Variants in NINJ2 observed in about 807,000 individuals in gnomAD.
The protein encoded by NINJ2 is ninjurin 2, also known as ninjurin-2.
A neutral mutation model predicts 11.7 loss-of-function variants in NINJ2; 12 were observed. That is an observed-to-expected ratio of 1.02 (90% CI 0.66 to 1.66). The LOEUF is 1.66. Among genes scored for constraint, NINJ2 ranks in the 40% most tolerant of loss-of-function variants. NINJ2 has a pLI of 0.00. For synonymous variants in NINJ2, 93 were observed against 76.8 expected (o/e 1.21, Z -1.10); for missense variants, 187 against 181.8 (o/e 1.03, Z -0.16).
chr12:598,592 C>A (rs1344747221), intron 1 of NINJ2, among the ~76,000 whole-genome samples: 1 of 152,206 alleles, frequency 6.6e-6, no homozygotes, highest in East Asian at 1.9e-4. Flanking sequence ...TAATTAGAGT[C>A]ATTTGAGGTC....
At chr12:647,533 TC>T (rs1555167343) in intron 1 of NINJ2, among the ~76,000 whole-genome samples, 1 of 152,096 alleles carries the variant, frequency 6.6e-6, no homozygotes, top group Non-Finnish European at 1.5e-5. Context: ...CAGCTCCTCC[TC>T]CCTGGCACCT....
chr12:572,203 C>T (rs1033829106), intron 1 of NINJ2, among the ~76,000 whole-genome samples: 11 of 152,306 alleles, frequency 7.2e-5, no homozygotes, highest in African/African-American at 1.9e-4. Context: ...CGGAGAATCC[C>T]GGGGGCTGAG....
chr12:578,192 C>T (rs1465811271), intron 1 of NINJ2, among the ~76,000 whole-genome samples: 3 of 152,156 alleles, frequency 2.0e-5, no homozygotes, highest in Non-Finnish European at 2.9e-5. Flanking sequence ...GACCCTCTCA[C>T]GCGGACCCCC....
chr12:657,417 G>A (rs1467220205), intron 1 of NINJ2, among the ~76,000 whole-genome samples: 3 of 151,940 alleles, frequency 2.0e-5, no homozygotes, highest in South Asian at 2.1e-4. Context: ...GTGAAACCCC[G>A]CCTCTATTAA....
At chr12:621,281 CT>C (rs1172823636) in intron 1 of NINJ2, among the ~76,000 whole-genome samples, 1 of 151,140 alleles carries the variant, frequency 6.6e-6, no homozygotes, top group Non-Finnish European at 1.5e-5. Context: ...GATGCCATCT[CT>C]ATAAAAAAAT....
chr12:610,629 T>A (rs1282490991), intron 1 of NINJ2: 3 of 985,206 alleles, frequency 3.0e-6, no homozygotes, highest in Non-Finnish European at 3.6e-6. Flanking sequence ...AGGCAGGGAC[T>A]TAATATGTGG....
At chr12:600,653 G>T (rs1282368367) in intron 1 of NINJ2, among the ~76,000 whole-genome samples, 2 of 141,950 alleles carry the variant, frequency 1.4e-5, no homozygotes, top group Non-Finnish European at 3.0e-5. Context: ...ATTTTTTTGG[G>T]GTGTGTGTGT....
intron 1 of NINJ2, among the ~76,000 whole-genome samples, chr12:599,685 A>G (rs1327893479): frequency 6.6e-6 from 1 of 152,140 alleles, no homozygotes; most frequent in Non-Finnish European, 1.5e-5. Context: ...GCCTCAGTAG[A>G]GTTGGGAGAT....
chr12:598,980 G>C (rs545906306), intron 1 of NINJ2, among the ~76,000 whole-genome samples: 1 of 151,960 alleles, frequency 6.6e-6, no homozygotes, highest in Non-Finnish European at 1.5e-5. Flanking sequence ...GATTACAGGC[G>C]TGAGTCACTG....
intron 1 of NINJ2, among the ~76,000 whole-genome samples, chr12:598,444 A>T (rs541876825): frequency 2.9e-4 from 44 of 152,310 alleles, no homozygotes; most frequent in African/African-American, 7.5e-4. Flanking sequence ...CTTACCAGAC[A>T]GGGCTATGTC....
At chr12:605,136 G>C (rs1205456558) in intron 1 of NINJ2, among the ~76,000 whole-genome samples, 1 of 152,192 alleles carries the variant, frequency 6.6e-6, no homozygotes, top group Non-Finnish European at 1.5e-5. Context: ...CTCATGCCCA[G>C]CAGGACCACG....
At chr12:574,841 C>T (rs73594252) in intron 1 of NINJ2, among the ~76,000 whole-genome samples, 2,371 of 152,354 alleles carry the variant, frequency 0.016, 58 homozygotes, top group African/African-American at 0.054. Flanking sequence ...TCATCTCACC[C>T]AGACCCTAGC....
intron 1 of NINJ2, among the ~76,000 whole-genome samples, chr12:662,343 G>A (rs978113748): frequency 6.6e-6 from 1 of 152,114 alleles, no homozygotes. Context: ...TGTCTCAAGG[G>A]CGGAGGGGCC....
At chr12:657,927 C>G (rs1463543269) in intron 1 of NINJ2, among the ~76,000 whole-genome samples, 1 of 149,842 alleles carries the variant, frequency 6.7e-6, no homozygotes, top group East Asian at 2.0e-4. Context: ...CCAGCAATTG[C>G]AATCCTTGGT....
Position 634,265 on chromosome 12 carries a change from C to CTTTTTTTTTTTTTTTTTTTTTTTTT in NINJ2, c.33+29038_33+29062dup, listed in dbSNP as rs67797144. Among the ~76,000 whole-genome samples, 16 of 59,526 alleles carry CTTTTTTTTTTTTTTTTTTTTTTTTT rather than the reference C, an allele frequency of 2.7e-4. 3 individuals carry two copies. Among genetic ancestry groups the CTTTTTTTTTTTTTTTTTTTTTTTTT allele is most frequent in the South Asian group, 1.1e-3 (1 of 932 alleles). 39.1% of individuals were successfully genotyped at this position (59,526 alleles called of 152,430 possible). On this transcript the variant is annotated intron_variant, in intron 1 of 3. Coordinates refer to ENST00000305108, the MANE Select transcript of NINJ2 (RefSeq NM_016533.6). ...AAATAAATGTTGATTAGTTGCAGTTCTTTTTTTTTTTTTTTTTTTTTTTTT... is the reference window on the plus strand; with the variant it reads ...AAATAAATGTTGATTAGTTGCAGTTCTTTTTTTTTTTTTTTTTTTTTTTTTTTTTTTTTTTTTTTTTTTTTTTTTT...
chr12:584,936 G>A (rs1947611262), intron 1 of NINJ2, among the ~76,000 whole-genome samples: 2 of 152,052 alleles, frequency 1.3e-5, no homozygotes, highest in African/African-American at 2.4e-5. Context: ...GGCCAATATG[G>A]TGAAACCCCG....
chr12:615,475 C>T (rs989249285), intron 1 of NINJ2, among the ~76,000 whole-genome samples: 7 of 152,180 alleles, frequency 4.6e-5, no homozygotes, highest in African/African-American at 1.4e-4. Flanking sequence ...GTAATCCCAA[C>T]TACTTGGGAG....
chr12:656,445 C>T lies in NINJ2; in HGVS notation c.33+6883G>A, dbSNP rs949052308. ...ACAAAGTCAGAGGACTGACACTACC[C>T]GACTTGAAGAATTACTGTAAAGCGG... On this transcript the variant is annotated intron_variant, in intron 1 of 3. Transcript: ENST00000305108. Among the ~76,000 whole-genome samples, 7 of 151,480 alleles carry T rather than the reference C, an allele frequency of 4.6e-5. No individual in the cohort carries two copies. The South Asian group carries it at 6.3e-4, about 14-fold the overall frequency.
chr12:659,458 G>C (rs2120549169), intron 1 of NINJ2, among the ~76,000 whole-genome samples: 1 of 152,306 alleles, frequency 6.6e-6, no homozygotes, highest in East Asian at 1.9e-4. Context: ...GGGGAAGAAA[G>C]GGATTATCCT....
Sources: gnomAD v4.1 joint callset for allele counts (sites outside exome capture counted in the v4.1 genomes callset) on GRCh38, gnomAD v4.1.1 for gene constraint, MANE v1.5 for transcripts, NCBI Gene and HGNC (gene_info 2026-07-23, HGNC 2026-07-21) for gene names.